Variants in TDRD3 observed in about 807,000 individuals in gnomAD.
TDRD3 encodes tudor domain-containing protein 3.
A neutral mutation model predicts 86.7 loss-of-function variants in TDRD3; 45 were observed. That is an observed-to-expected ratio of 0.52 (90% CI 0.41 to 0.67). TDRD3 has a LOEUF of 0.67. Ranked by LOEUF, TDRD3 falls within the 30% of genes least tolerant of loss-of-function variation. The pLI, the probability that TDRD3 is intolerant of heterozygous loss-of-function variation, is 0.00. For missense variants in TDRD3, 814 were observed against 889.0 expected (o/e 0.92, Z 1.07); for synonymous variants, 298 against 301.7 (o/e 0.99, Z 0.13).
At chr13:60,432,659 A>G (rs567144628) in intron 1 of TDRD3, among the ~76,000 whole-genome samples, 1 of 152,324 alleles carries the variant, frequency 6.6e-6, no homozygotes, top group South Asian at 2.1e-4. Context: ...TTTAAAAAAT[A>G]TCTTTACAAC....
At chr13:60,496,482 A>T (rs1293012251) in intron 8 of TDRD3, among the ~76,000 whole-genome samples, 1 of 151,376 alleles carries the variant, frequency 6.6e-6, no homozygotes, top group Non-Finnish European at 1.5e-5. Flanking sequence ...ATATGATTAG[A>T]TCCAAAACTG....
At chr13:60,504,839 G>A (rs561414420) in intron 8 of TDRD3, among the ~76,000 whole-genome samples, 37 of 152,228 alleles carry the variant, frequency 2.4e-4, no homozygotes, top group East Asian at 1.5e-3. Flanking sequence ...ACAAGGGGTC[G>A]GGGAACTGTC....
chr13:60,437,798 T>A (rs929571080), intron 1 of TDRD3, among the ~76,000 whole-genome samples: 4 of 152,108 alleles, frequency 2.6e-5, no homozygotes, highest in Non-Finnish European at 5.9e-5. Flanking sequence ...GAATTTAATT[T>A]ATCACCCATA....
intron 1 of TDRD3, among the ~76,000 whole-genome samples, chr13:60,416,346 T>C (rs576581752): frequency 1.3e-5 from 2 of 152,148 alleles, no homozygotes; most frequent in Non-Finnish European, 2.9e-5. Context: ...TATTGAAAGA[T>C]GGTGATACTT....
In TDRD3 at chr13:60,512,165, T is replaced by A. The variant is rs144467722; in HGVS notation, c.1141+1410T>A. On this transcript the variant is annotated intron_variant, in intron 10 of 13. Transcript: ENST00000377881. ...TGGAAGGCAAGGAGGAACAAGTCACTTATTATGTAGGTGGCAGGAGGCAAA... is the reference window on the plus strand; with the variant it reads ...TGGAAGGCAAGGAGGAACAAGTCACATATTATGTAGGTGGCAGGAGGCAAA... 1.1e-4 allele frequency among the ~76,000 whole-genome samples: 17 copies of A among 152,222 alleles called. No homozygotes were observed. In the South Asian group the frequency reaches 3.1e-3, roughly 28 times the overall value.
At chr13:60,420,012 G>T (rs1954616390) in intron 1 of TDRD3, among the ~76,000 whole-genome samples, 1 of 151,508 alleles carries the variant, frequency 6.6e-6, no homozygotes, top group East Asian at 1.9e-4. Flanking sequence ...AATTATTGTG[G>T]TTATGTGTTT....
At chr13:60,438,058 C>T (rs757381289) in intron 1 of TDRD3, among the ~76,000 whole-genome samples, 2 of 152,026 alleles carry the variant, frequency 1.3e-5, no homozygotes, top group Non-Finnish European at 2.9e-5. Context: ...TTGTGTTATA[C>T]TGTATAGCAG....
intron 3 of TDRD3, 115 bp from the exon 4 acceptor site, chr13:60,460,265 T>C (rs575220188): frequency 2.3e-6 from 2 of 874,480 alleles, no homozygotes; most frequent in East Asian, 6.6e-5. Flanking sequence ...ATTGAAGTTA[T>C]TATAAATCAT....
At chr13:60,503,310 G>A (rs1956872248) in intron 8 of TDRD3, among the ~76,000 whole-genome samples, 1 of 152,122 alleles carries the variant, frequency 6.6e-6, no homozygotes, top group African/African-American at 2.4e-5. Flanking sequence ...CCCATCTTTT[G>A]AGAAGGAACA....
rs1057022158 is a variant in TDRD3 at position 60,443,794 on chromosome 13, A to G, written c.127-889A>G. ...AGGTGATGAAGAGCTACTGTTTACTATATTATAAGGAAAAATAAAACAACA... is the reference window on the plus strand; with the variant it reads ...AGGTGATGAAGAGCTACTGTTTACTGTATTATAAGGAAAAATAAAACAACA... On this transcript the variant is annotated intron_variant, in intron 2 of 13. Transcript: ENST00000377881. Among the ~76,000 whole-genome samples, 4 of 152,022 alleles carry G rather than the reference A, an allele frequency of 2.6e-5. No individual in the cohort carries two copies. In the South Asian group the frequency reaches 8.3e-4, roughly 32 times the overall value.
At chr13:60,532,858 A>T (rs1957616516) in intron 11 of TDRD3, among the ~76,000 whole-genome samples, 1 of 152,206 alleles carries the variant, frequency 6.6e-6, no homozygotes, top group African/African-American at 2.4e-5. Context: ...GTCTTAGACC[A>T]TGTCATTCCT....
intron 11 of TDRD3, among the ~76,000 whole-genome samples, chr13:60,533,630 G>A (rs1244118733): frequency 1.3e-5 from 2 of 149,788 alleles, no homozygotes; most frequent in African/African-American, 4.9e-5. Context: ...GACAGAGGAC[G>A]ACTCTGTCTC....
intron 13 of TDRD3, among the ~76,000 whole-genome samples, chr13:60,568,887 T>C (rs1958521464): frequency 6.6e-6 from 1 of 152,184 alleles, no homozygotes; most frequent in Admixed American, 6.5e-5. Context: ...ACAAACAAAT[T>C]CAGTAAAGTT....
At chr13:60,548,028 T>C (rs1249294154) in intron 12 of TDRD3, among the ~76,000 whole-genome samples, 1 of 152,128 alleles carries the variant, frequency 6.6e-6, no homozygotes, top group African/African-American at 2.4e-5. Flanking sequence ...GGGAAAATGG[T>C]TATATAAATG....
chr13:60,508,901 C>T (rs978326817), intron 8 of TDRD3, among the ~76,000 whole-genome samples: 3 of 152,018 alleles, frequency 2.0e-5, no homozygotes, highest in African/African-American at 7.2e-5. Flanking sequence ...AAAATTTAGC[C>T]CATTCACAAG....
intron 3 of TDRD3, among the ~76,000 whole-genome samples, chr13:60,456,423 T>C (rs754453745): frequency 4.6e-5 from 7 of 152,184 alleles, no homozygotes; most frequent in Admixed American, 6.5e-5. Context: ...AGATACTTAA[T>C]ATTGTTTGTT....
chr13:60,505,717 G>A (rs1956922862), intron 8 of TDRD3, among the ~76,000 whole-genome samples: 1 of 152,162 alleles, frequency 6.6e-6, no homozygotes. Flanking sequence ...AACATAGCAC[G>A]AGAACTTTGT....
intron 5 of TDRD3, among the ~76,000 whole-genome samples, chr13:60,472,861 G>A (rs937991127): frequency 4.6e-5 from 7 of 152,122 alleles, no homozygotes; most frequent in African/African-American, 1.7e-4. Flanking sequence ...ACGGACTGGG[G>A]GAGGAGAGAA....
At chr13:60,400,418 G>A (rs937614700) in intron 1 of TDRD3, among the ~76,000 whole-genome samples, 1 of 152,070 alleles carries the variant, frequency 6.6e-6, no homozygotes, top group African/African-American at 2.4e-5. Flanking sequence ...CTGTCACGGG[G>A]TACCTAATCA....
Sources: gnomAD v4.1 joint callset for allele counts (sites outside exome capture counted in the v4.1 genomes callset) on GRCh38, gnomAD v4.1.1 for gene constraint, MANE v1.5 for transcripts, NCBI Gene and HGNC (gene_info 2026-07-23, HGNC 2026-07-21) for gene names.